ABCC11: variants seen among roughly 807,000 people sequenced by gnomAD.
ABCC11 encodes ATP-binding cassette sub-family C member 11.
Under a neutral mutation model 149.3 loss-of-function variants are expected in ABCC11, and 135 were observed. The ratio of observed to expected loss-of-function variants is 0.90; its 90% CI spans 0.79 to 1.04. ABCC11 has a LOEUF of 1.04. ABCC11 is among the 50% of genes least tolerant of loss of function. ABCC11 has a pLI of 0.00. For synonymous variants in ABCC11, 665 were observed against 671.4 expected (o/e 0.99, Z 0.15); for missense variants, 1,680 against 1,722.1 (o/e 0.98, Z 0.43).
chr16:48,198,357 T>G (rs907595406), intron 15 of ABCC11, 82 bp from the exon 16 acceptor site: 76 of 1,412,286 alleles, frequency 5.4e-5, no homozygotes, highest in Admixed American at 2.8e-4. Flanking sequence ...AAATGTAAAT[T>G]TAAACCATGA....
At chr16:48,171,924 C>T (rs1965746901) in intron 26 of ABCC11, among the ~76,000 whole-genome samples, 1 of 152,186 alleles carries the variant, frequency 6.6e-6, no homozygotes, top group Non-Finnish European at 1.5e-5. Context: ...GATGGTGTCA[C>T]TGCACTCTAG....
At chr16:48,217,321 C>A (rs147261386) in intron 6 of ABCC11, among the ~76,000 whole-genome samples, 5 of 152,002 alleles carry the variant, frequency 3.3e-5, no homozygotes, top group African/African-American at 1.2e-4. Flanking sequence ...CCTGGCTCAA[C>A]GCTATATAAA....
rs564152137 is a variant in ABCC11, at chr16:48,231,897, C to A, written c.25G>T (p.Val9Leu). The change falls in exon 2 of 30, where the codon GTG becomes TTG. Residue 9 changes from valine (V) to leucine (L), a missense_variant. Physicochemically the swap from Val to Leu is conservative, Grantham distance 32. Coordinates refer to ENST00000356608, the MANE Select transcript of ABCC11 (RefSeq NM_001370497.1). MTRKRTYWVPNSSGGLVNR... is the reference protein window; with the variant it reads MTRKRTYWLPNSSGGLVNR... ...ACGAGGCCACCAGAAGAGTTGGGCACCCAGTATGTCCTCTTCCTAGTCATT... is the reference window on the plus strand; with the variant it reads ...ACGAGGCCACCAGAAGAGTTGGGCAACCAGTATGTCCTCTTCCTAGTCATT... The A allele has an allele frequency of 3.0e-5, 49 of 1,614,028 alleles. No homozygotes were observed. In the South Asian group the frequency reaches 4.5e-4, roughly 15 times the overall value.
At chr16:48,226,602 A>G in intron 4 of ABCC11, among the ~76,000 whole-genome samples, 1 of 152,070 alleles carries the variant, frequency 6.6e-6, no homozygotes, top group East Asian at 1.9e-4. Context: ...ACATAAAGAC[A>G]CAGGGCCCAG....
intron 20 of ABCC11, among the ~76,000 whole-genome samples, chr16:48,189,402 G>A (rs1286744089): frequency 2.6e-5 from 4 of 152,106 alleles, no homozygotes. Flanking sequence ...AAAATGATCT[G>A]GGGTTGTTCT....
chr16:48,215,546 T>C (rs1261772340), intron 7 of ABCC11, among the ~76,000 whole-genome samples: 1 of 152,226 alleles, frequency 6.6e-6, no homozygotes, highest in South Asian at 2.1e-4. Flanking sequence ...TATGGCTACT[T>C]AGACAGAAAC....
In ABCC11 at chr16:48,224,350, G is replaced by A. The variant is rs1292120438; in HGVS notation, c.475C>T (p.Gln159Ter). The change falls in exon 5 of 30, where the codon CAG (glutamine) becomes TAG (stop). Residue 159 changes from glutamine to a stop codon, truncating the protein, a stop_gained. Coordinates refer to ENST00000356608, the MANE Select transcript of ABCC11 (RefSeq NM_001370497.1). LOFTEE classifies it high-confidence loss of function. ...ASVLLVMLRF[Q>*]RTRLIFDALL... ...GCATCGAAAATCAACCTTGTTCTCT[G>A]GAACCTCAGCATCACCAGAAGCACT... 6.2e-7 allele frequency: 1 copy of A among 1,614,130 alleles called. No individual in the cohort carries two copies. The highest frequency in any genetic ancestry group is 1.7e-5 in the Admixed American group (1 of 60,020).
At chr16:48,225,649 C>T (rs1970025591) in intron 4 of ABCC11, among the ~76,000 whole-genome samples, 1 of 152,152 alleles carries the variant, frequency 6.6e-6, no homozygotes, top group Admixed American at 6.5e-5. Flanking sequence ...CCTGTCGCCT[C>T]ACATCAGGAA....
rs147872567 is a variant in ABCC11 at position 48,176,696 on chromosome 16, C to T, written c.3538+228G>A. On this transcript the variant is annotated intron_variant, in intron 25 of 29. Coordinates refer to ENST00000356608, the MANE Select transcript of ABCC11 (RefSeq NM_001370497.1). ...CCACAGCCTGCAGCTGTCACATTTC[C>T]GTCTTTATTTGCTGGTCTATTTAAC... Among the ~76,000 whole-genome samples the T allele has an allele frequency of 6.0e-3, 910 of 152,260 alleles. 9 individuals are homozygous for T. Among genetic ancestry groups the T allele is most frequent in the African/African-American group, 0.021 (874 of 41,546 alleles).
At chr16:48,197,893 T>A in intron 17 of ABCC11, 78 bp downstream of exon 17, 1 of 1,475,940 alleles carries the variant, frequency 6.8e-7, no homozygotes, top group Non-Finnish European at 9.4e-7. Flanking sequence ...CAGTCTGGGG[T>A]CAAGGAGGAA....
intron 1 of ABCC11, chr16:48,244,707 G>A (rs1402772166): frequency 2.0e-6 from 2 of 1,000,224 alleles, no homozygotes; most frequent in Admixed American, 4.3e-5. Context: ...CCTTGAGCGC[G>A]AGGCTCAGTT....
At chr16:48,196,626 G>C (rs1468840809) in intron 17 of ABCC11, among the ~76,000 whole-genome samples, 4 of 152,204 alleles carry the variant, frequency 2.6e-5, no homozygotes, top group Non-Finnish European at 5.9e-5. Context: ...AGAAAACCTA[G>C]GTTTCAGAAC....
chr16:48,192,493 G>A lies in ABCC11; in HGVS notation c.2706+27C>T, dbSNP rs371756909. On this transcript the variant is annotated intron_variant, in intron 20 of 29. Transcript: ENST00000356608. Reference sequence around the variant, plus strand: ...TGGGCAAGTTCAGAGCTCAGCCTTCGGCCCCACCCAGCACCCAGGCCCATA... The same window carrying A: ...TGGGCAAGTTCAGAGCTCAGCCTTCAGCCCCACCCAGCACCCAGGCCCATA... 1.7e-4 allele frequency: 282 copies of A among 1,611,668 alleles called. 1 individual carries two copies. The highest frequency in any genetic ancestry group is 2.3e-4 in the Non-Finnish European group (271 of 1,178,364).
intron 12 of ABCC11, among the ~76,000 whole-genome samples, chr16:48,206,765 C>T (rs1596766771): frequency 6.6e-6 from 1 of 152,154 alleles, no homozygotes; most frequent in South Asian, 2.1e-4. Flanking sequence ...GGGACTCAGC[C>T]CTGGCTCACC....
chr16:48,238,584 A>G (rs748471454), intron 1 of ABCC11, among the ~76,000 whole-genome samples: 38 of 151,556 alleles, frequency 2.5e-4, no homozygotes, highest in Non-Finnish European at 5.1e-4. Context: ...AGAAATGGTC[A>G]AATCCAAAAC....
Position 48,214,969 on chromosome 16 carries a change from C to T in ABCC11, c.1160G>A (p.Ser387Asn), listed in dbSNP as rs768277235. ...EKCGLVQSLT[S>N]ITLFIIPTVA... ...TGTGGGGATGATGAACAAGGTTATA[C>T]TTGTCAGGCTCTGGACAAGCCCGCA... Residue 387 changes from serine (S) to asparagine (N), a missense_variant, in exon 9 of 30, where the codon AGT becomes AAT. By Grantham distance (46) the Ser-to-Asn change is conservative. Coordinates refer to ENST00000356608, the MANE Select transcript of ABCC11 (RefSeq NM_001370497.1). 54 of 1,614,098 alleles carry T rather than the reference C, an allele frequency of 3.3e-5. No individual in the cohort carries two copies. The highest frequency in any genetic ancestry group is 1.6e-4 in the Middle Eastern group (1 of 6,084).
chr16:48,178,487 G>T, intron 24 of ABCC11, 110 bp downstream of exon 24: 1 of 1,017,480 alleles, frequency 9.8e-7, no homozygotes, highest in Non-Finnish European at 1.5e-6. Flanking sequence ...GGAGCCTGGT[G>T]TTTCCTGGGA....
intron 2 of ABCC11, 90 bp downstream of exon 2, chr16:48,231,733 G>A (rs1970433390): frequency 1.3e-6 from 2 of 1,519,966 alleles, no homozygotes; most frequent in Admixed American, 2.1e-5. Context: ...AAATAAGTAT[G>A]GGAAGAAATT....
intron 23 of ABCC11, among the ~76,000 whole-genome samples, chr16:48,184,222 T>C (rs1966617072): frequency 6.6e-6 from 1 of 152,208 alleles, no homozygotes. Flanking sequence ...GTGATCCTAT[T>C]AAATACCTTT....
Sources: gnomAD v4.1 joint callset for allele counts (sites outside exome capture counted in the v4.1 genomes callset) on GRCh38, gnomAD v4.1.1 for gene constraint, MANE v1.5 for transcripts, NCBI Gene and HGNC (gene_info 2026-07-23, HGNC 2026-07-21) for gene names.